Variants in ZDHHC23 observed in about 807,000 individuals in gnomAD.
The protein encoded by ZDHHC23 is zDHHC palmitoyltransferase 23, also known as palmitoyltransferase ZDHHC23.
ZDHHC23 carries 41 observed loss-of-function variants against 40.2 expected under a neutral mutation model. That is an observed-to-expected ratio of 1.02 (90% CI 0.79 to 1.32). The LOEUF is 1.32. Among genes scored for constraint, ZDHHC23 ranks in the 40% most tolerant of loss-of-function variants. The probability of loss-of-function intolerance (pLI) is 0.00; values close to 1 mark genes in which losing one functional copy is unlikely to be tolerated. For missense variants in ZDHHC23, 471 were observed against 541.5 expected (o/e 0.87, Z 1.29); for synonymous variants, 204 against 210.2 (o/e 0.97, Z 0.26).
the ZDHHC23 span, among the ~76,000 whole-genome samples, chr3:113,977,510 T>C: frequency 6.7e-6 from 1 of 149,494 alleles, no homozygotes; most frequent in African/African-American, 2.4e-5. Flanking sequence ...CAAAGACAAC[T>C]GGATTAAATA....
chr3:113,951,871 C>G (rs1577251525), intron 2 of ZDHHC23, among the ~76,000 whole-genome samples: 1 of 152,248 alleles, frequency 6.6e-6, no homozygotes, highest in East Asian at 1.9e-4. Flanking sequence ...GGCGCGGTGA[C>G]TCACACCTGT....
chr3:113,952,233 A>T (rs563629807), intron 2 of ZDHHC23, among the ~76,000 whole-genome samples: 5 of 152,222 alleles, frequency 3.3e-5, no homozygotes, highest in Non-Finnish European at 7.3e-5. Context: ...TCTACTGCCA[A>T]ATATTCAGTT....
At chr3:113,975,449 T>C in the ZDHHC23 span, among the ~76,000 whole-genome samples, 2 of 152,226 alleles carry the variant, frequency 1.3e-5, no homozygotes, top group Admixed American at 6.5e-5. Context: ...CTGGTGACCT[T>C]AAATATTAGT....
downstream of ZDHHC23, chr3:113,964,136 A>G (rs966299833): frequency 2.0e-5 from 3 of 152,214 alleles, no homozygotes; most frequent in African/African-American, 7.2e-5. Flanking sequence ...TAACAAGAAC[A>G]TTCACTTAAA....
the ZDHHC23 span, chr3:113,978,225 G>A: frequency 8.3e-5 from 134 of 1,614,018 alleles, no homozygotes; most frequent in East Asian, 2.7e-3. Context: ...CTTGCCCTGA[G>A]AATCGATCTT....
Position 113,953,609 on chromosome 3 carries a change from G to A in ZDHHC23, c.162-91G>A, listed in dbSNP as rs536462442. The A allele has an allele frequency of 9.5e-5, 110 of 1,155,374 alleles. 1 individual carries two copies. The South Asian group carries it at 9.5e-4, about 10-fold the overall frequency. The allele number at this position is 1,155,374 out of a possible 1,614,324, so 71.6% of individuals were successfully genotyped here. A position where few individuals can be genotyped will look rare whatever the true frequency, so the allele number is the denominator to read the frequency against. On this transcript the variant is annotated intron_variant, in intron 2 of 4. Transcript: ENST00000638807. ...TGCTTGGTCTTTGGTAGCTTTTATCGTTTATCCCACTGTTTGGCATTCAGT... is the reference window on the plus strand; with the variant it reads ...TGCTTGGTCTTTGGTAGCTTTTATCATTTATCCCACTGTTTGGCATTCAGT...
Position 113,960,949 on chromosome 3 carries a change from G to C in ZDHHC23, c.*2319G>C. ...CAAACAAGGGGCTAATCCATGAGCA[G>C]TGTTCTGTAGGCTCTGTGACATCTT... On this transcript the variant is annotated 3_prime_UTR_variant, in exon 5 of 5. Transcript: ENST00000638807. The C allele has an allele frequency of 3.5e-6, 2 of 574,322 alleles. No homozygotes were observed. Among genetic ancestry groups the C allele is most frequent in the Non-Finnish European group, 5.6e-6 (2 of 355,834 alleles). 35.6% of individuals were successfully genotyped at this position (574,322 alleles called of 1,614,324 possible).
At chr3:113,977,195 G>GC in the ZDHHC23 span, among the ~76,000 whole-genome samples, 1 of 152,178 alleles carries the variant, frequency 6.6e-6, no homozygotes, top group Admixed American at 6.5e-5. Flanking sequence ...TACTTGGCGG[G>GC]CTGAGGCATG....
rs371983740 is a variant in ZDHHC23 at position 113,948,917 on chromosome 3, G to A, written c.115G>A (p.Ala39Thr). 2 of 1,614,072 alleles carry A rather than the reference G, an allele frequency of 1.2e-6. No individual in the cohort carries two copies. Among genetic ancestry groups the A allele is most frequent in the Non-Finnish European group, 1.7e-6 (2 of 1,180,046 alleles). ...TCGGAATGGGGAAAAGAACCACGTG[G>A]CTACTTGTTTGTGTGATTGTCAAGA... ...IDRNGEKNHVATCLCDCQDLD... is the reference protein window; with the variant it reads ...IDRNGEKNHVTTCLCDCQDLD... The change falls in exon 2 of 5, where the codon GCT (alanine) becomes ACT (threonine). Residue 39 changes from alanine (A) to threonine (T), a missense_variant. Ala to Thr is a moderately conservative substitution (Grantham distance 58). Coordinates refer to ENST00000638807, the MANE Select transcript of ZDHHC23 (RefSeq NM_001320466.2).
In ZDHHC23 at chr3:113,953,977, T is replaced by C; in HGVS notation, c.439T>C (p.Phe147Leu). The change falls in exon 3 of 5, where the codon TTC (phenylalanine) becomes CTC (leucine). Residue 147 changes from phenylalanine to leucine, a missense_variant. Physicochemically the swap from Phe to Leu is conservative, Grantham distance 22. This residue lies in a region of ZDHHC23 where 346 missense variants were observed against 399.8 expected (regional missense o/e 0.87). Coordinates refer to ENST00000638807, the MANE Select transcript of ZDHHC23 (RefSeq NM_001320466.2). ...CCTGTTTTTCCTGAGCCTTGGACTG[T>C]TCTCTCTGGGCTACATGTACTATGT... ...QTLFFLSLGLFSLGYMYYVFL... is the reference protein window; with the variant it reads ...QTLFFLSLGLLSLGYMYYVFL... 6.2e-7 allele frequency: 1 copy of C among 1,614,148 alleles called. No individual in the cohort carries two copies. Among genetic ancestry groups the C allele is most frequent in the East Asian group, 2.2e-5 (1 of 44,888 alleles).
At chr3:113,970,234 T>A (rs1577306120), downstream of ZDHHC23, among the ~76,000 whole-genome samples, 1 of 152,218 alleles carries the variant, frequency 6.6e-6, no homozygotes, top group Non-Finnish European at 1.5e-5. Context: ...GTTTGTCAGA[T>A]CTAACAGTTT....
downstream of ZDHHC23, among the ~76,000 whole-genome samples, chr3:113,965,993 C>T (rs1327159476): frequency 6.6e-6 from 1 of 152,102 alleles, no homozygotes; most frequent in Non-Finnish European, 1.5e-5. Context: ...ACGAGGCACA[C>T]TCCTGAGTTG....
In ZDHHC23 at chr3:113,960,036, A is replaced by G; in HGVS notation, c.*1406A>G. On this transcript the variant is annotated 3_prime_UTR_variant, in exon 5 of 5. Transcript: ENST00000638807. ...AGTTTTGAACATGTACTGTTGTGCA[A>G]TCCCAAAGATAATTCATGACTCCTT... 1 of 989,850 alleles carries G rather than the reference A, an allele frequency of 1.0e-6. No homozygotes were observed. The highest frequency in any genetic ancestry group is 1.2e-6 in the Non-Finnish European group (1 of 832,298). 61.3% of individuals were successfully genotyped at this position (989,850 alleles called of 1,614,324 possible).
At chr3:113,971,609 G>A in the ZDHHC23 span, among the ~76,000 whole-genome samples, 5 of 152,218 alleles carry the variant, frequency 3.3e-5, no homozygotes, top group Admixed American at 6.5e-5. Flanking sequence ...TTGCATTTGT[G>A]TTCATCAGGG....
chr3:113,974,558 G>A, the ZDHHC23 span, among the ~76,000 whole-genome samples: 21 of 152,120 alleles, frequency 1.4e-4, no homozygotes, highest in Non-Finnish European at 2.9e-5. Context: ...CACCTCAGGT[G>A]ATCTGCCCAC....
downstream of ZDHHC23, chr3:113,964,474 A>T (rs544955778): frequency 6.6e-6 from 1 of 152,234 alleles, no homozygotes; most frequent in Non-Finnish European, 1.5e-5. Context: ...CAGCAGTTGC[A>T]GGTGGGAGCA....
At chr3:113,968,453 T>TCC (rs372382397), downstream of ZDHHC23, among the ~76,000 whole-genome samples, 105 of 151,178 alleles carry the variant, frequency 6.9e-4, 1 homozygote, top group African/African-American at 2.4e-3. Flanking sequence ...ATTTAGATCT[T>TCC]CCCCCCCCTT....
intron 4 of ZDHHC23, among the ~76,000 whole-genome samples, chr3:113,956,882 C>A (rs1380243728): frequency 2.0e-5 from 3 of 152,210 alleles, no homozygotes; most frequent in African/African-American, 4.8e-5. Flanking sequence ...CGATCAGAAA[C>A]CTTCTCACTT....
chr3:113,968,759 T>G (rs1332347469), downstream of ZDHHC23, among the ~76,000 whole-genome samples: 1 of 152,052 alleles, frequency 6.6e-6, no homozygotes, highest in African/African-American at 2.4e-5. Flanking sequence ...TATAATGGAC[T>G]TGCCCATTTT....
Sources: gnomAD v4.1 joint callset for allele counts (sites outside exome capture counted in the v4.1 genomes callset) on GRCh38, gnomAD v4.1.1 for gene constraint, gnomAD v4.1.1 regional missense constraint, MANE v1.5 for transcripts, NCBI Gene and HGNC (gene_info 2026-07-23, HGNC 2026-07-21) for gene names.